Variants in AGK observed in about 807,000 individuals in gnomAD.
AGK encodes acylglycerol kinase, mitochondrial.
Under a neutral mutation model 66.4 loss-of-function variants are expected in AGK, and 52 were observed. The ratio of observed to expected loss-of-function variants is 0.78; its 90% CI spans 0.63 to 0.99. AGK has a LOEUF of 0.99. Ranked by LOEUF, AGK falls within the 50% of genes least tolerant of loss-of-function variation. The pLI, the probability that AGK is intolerant of heterozygous loss-of-function variation, is 0.00. For synonymous variants in AGK, 182 were observed against 181.1 expected, an observed-to-expected ratio of 1.00 and a Z score of -0.04; for missense variants, 451 against 506.6, an observed-to-expected ratio of 0.89 and a Z score of 1.05.
intron 15 of AGK, 72 bp downstream of exon 15, chr7:141,651,681 C>G: frequency 7.3e-7 from 1 of 1,373,290 alleles, no homozygotes; most frequent in South Asian, 1.2e-5. Flanking sequence ...TGTGGTGTCC[C>G]ATCCTTCCTC....
intron 14 of AGK, among the ~76,000 whole-genome samples, chr7:141,650,851 T>C (rs1406549878): frequency 6.6e-6 from 1 of 152,194 alleles, no homozygotes; most frequent in Non-Finnish European, 1.5e-5. Context: ...GGTATTTGCA[T>C]AGACTTAGGC....
At chr7:141,590,852 C>CA (rs780464820) in intron 2 of AGK, among the ~76,000 whole-genome samples, 3 of 151,726 alleles carry the variant, frequency 2.0e-5, no homozygotes, top group African/African-American at 7.3e-5. Flanking sequence ...GTGGGTCATT[C>CA]AAAAAAACAT....
chr7:141,553,292 GA>G (rs1443172355), intron 1 of AGK, among the ~76,000 whole-genome samples: 1 of 152,172 alleles, frequency 6.6e-6, no homozygotes, highest in Non-Finnish European at 1.5e-5. Context: ...TCTCAATGGG[GA>G]TAGGGCTTCC....
At chr7:141,614,679 G>A (rs781733802) in intron 7 of AGK, among the ~76,000 whole-genome samples, 2 of 152,124 alleles carry the variant, frequency 1.3e-5, no homozygotes, top group Admixed American at 6.5e-5. Context: ...TAATAATGTG[G>A]ATGAAAAGGA....
intron 14 of AGK, among the ~76,000 whole-genome samples, chr7:141,651,214 T>G (rs1361593932): frequency 6.6e-6 from 1 of 152,254 alleles, no homozygotes; most frequent in African/African-American, 2.4e-5. Context: ...TTTTTAAATT[T>G]GAGACTAACA....
chr7:141,614,248 T>TA (rs1283959016), intron 7 of AGK, 70 bp downstream of exon 7: 6 of 1,221,316 alleles, frequency 4.9e-6, no homozygotes, highest in African/African-American at 1.6e-5. Flanking sequence ...TTCTTTCTTT[T>TA]ACTTTTTTTT....
At chr7:141,601,112 TTC>T (rs1796331138) in intron 4 of AGK, 91 bp from the exon 5 acceptor site, 1 of 921,382 alleles carries the variant, frequency 1.1e-6, no homozygotes, top group Admixed American at 2.3e-5. Flanking sequence ...TGCATAGTCT[TTC>T]TTATTCTGCC....
At chr7:141,600,771 AG>A (rs1796323962) in intron 4 of AGK, among the ~76,000 whole-genome samples, 1 of 152,204 alleles carries the variant, frequency 6.6e-6, no homozygotes, top group Admixed American at 6.5e-5. Flanking sequence ...TGGGAGTTTC[AG>A]ACTAGCTTCT....
intron 7 of AGK, 74 bp from the exon 8 acceptor site, chr7:141,615,397 C>A: frequency 1.7e-6 from 2 of 1,180,612 alleles, no homozygotes; most frequent in Non-Finnish European, 1.3e-6. Flanking sequence ...TCATAGTGGA[C>A]ACACCTGTGC....
Position 141,651,550 on chromosome 7 carries a change from C to G in AGK, c.1072C>G (p.Leu358Val), listed in dbSNP as rs1005619739. ...AAGTCGAAAGGTGAGAAACCCCAAG[C>G]TGCACGTGGAGGGCACGGAGTGTCT... ...IGSRKVRNPK[L>V]HVEGTECLQA... is the part of the protein sequence containing the mutation. The change falls in exon 15 of 16, where the codon CTG becomes GTG. Residue 358 changes from leucine (L) to valine (V), a missense_variant. By Grantham distance (32) the Leu-to-Val change is conservative (BLOSUM62 1). Coordinates refer to ENST00000649286, the MANE Select transcript of AGK (RefSeq NM_018238.4). 2 of 1,614,112 alleles carry G rather than the reference C, an allele frequency of 1.2e-6. No individual in the cohort carries two copies. The highest frequency in any genetic ancestry group is 2.7e-5 in the African/African-American group (2 of 74,940).
Position 141,617,173 on chromosome 7 carries a change from G to T in AGK, c.518+1608G>T, listed in dbSNP as rs538618993. 4.3e-4 allele frequency among the ~76,000 whole-genome samples: 66 copies of T among 152,152 alleles called. 1 individual carries two copies. Among genetic ancestry groups the T allele is most frequent in the Non-Finnish European group, 2.5e-4 (17 of 68,030 alleles). On this transcript the variant is annotated intron_variant, in intron 8 of 15. Coordinates refer to ENST00000649286, the MANE Select transcript of AGK (RefSeq NM_018238.4). Reference sequence around the variant, plus strand: ...GAGCTTGTCTTCTCCTTGTGTCAGTGTAGATTTTTTGAATTGCTTTAGCCA... The same window carrying T: ...GAGCTTGTCTTCTCCTTGTGTCAGTTTAGATTTTTTGAATTGCTTTAGCCA...
rs1797280841 is a variant in AGK, at chr7:141,641,267, A to C, written c.746A>C (p.Gln249Pro). ...TAAAAGGAGTGGCCTCAGACTCATC[A>C]AGCCTCTATCTCATACACGGGACCT... ...STLKEWPQTH[Q>P]ASISYTGPTE... The change falls in exon 12 of 16, where the codon CAA becomes CCA. Residue 249 changes from glutamine (Q) to proline (P), a missense_variant. By Grantham distance (76) the Gln-to-Pro change is moderately conservative. Coordinates refer to ENST00000649286, the MANE Select transcript of AGK (RefSeq NM_018238.4). The C allele has an allele frequency of 6.2e-7, 1 of 1,613,358 alleles. No homozygotes were observed. Among genetic ancestry groups the C allele is most frequent in the South Asian group, 1.1e-5 (1 of 90,978 alleles).
intron 1 of AGK, among the ~76,000 whole-genome samples, chr7:141,554,442 C>T (rs1263742722): frequency 6.6e-6 from 1 of 151,698 alleles, no homozygotes; most frequent in African/African-American, 2.4e-5. Flanking sequence ...TTATATATGG[C>T]TTTTTATCCT....
At chr7:141,593,335 A>C (rs1330474451) in intron 3 of AGK, 150 bp downstream of exon 3, 4 of 744,356 alleles carry the variant, frequency 5.4e-6, no homozygotes, top group African/African-American at 3.5e-5. Flanking sequence ...CTGGGAGCCA[A>C]CTCTGAGTAG....
intron 9 of AGK, among the ~76,000 whole-genome samples, chr7:141,624,046 A>C (rs1327865462): frequency 6.6e-6 from 1 of 152,098 alleles, no homozygotes; most frequent in Middle Eastern, 3.2e-3. Flanking sequence ...TTTTAAGCCC[A>C]CTGTTGAGAC....
chr7:141,627,433 C>T (rs1302063636), intron 9 of AGK, among the ~76,000 whole-genome samples: 2 of 152,092 alleles, frequency 1.3e-5, no homozygotes, highest in African/African-American at 4.8e-5. Flanking sequence ...ATTCACGTTC[C>T]CTGATATTTG....
At position 141,615,557 on chromosome 7, in the gene AGK, C is replaced by G. The variant is rs1478974834; in HGVS notation, c.510C>G (p.Asn170Lys). 6.2e-7 allele frequency: 1 copy of G among 1,612,938 alleles called. No homozygotes were observed. The highest frequency in any genetic ancestry group is 1.3e-5 in the African/African-American group (1 of 75,010). ...LSHTLFAESG[N>K]KVQHITDATL... ...ATACCCTCTTTGCCGAAAGTGGAAA[C>G]AAAGTCCAGTAGGTTGTCAATGTGG... Residue 170 changes from asparagine to lysine, a missense_variant, in exon 8 of 16, where the codon AAC becomes AAG. Transcript: ENST00000649286.
At chr7:141,554,909 A>G (rs1795173920) in intron 1 of AGK, among the ~76,000 whole-genome samples, 3 of 152,216 alleles carry the variant, frequency 2.0e-5, no homozygotes, top group Admixed American at 6.5e-5. Context: ...GAACATTTTT[A>G]GATAGCCATG....
chr7:141,613,993 A>G (rs1796653209), intron 6 of AGK, among the ~76,000 whole-genome samples, 153 bp from the exon 7 acceptor site: 1 of 152,206 alleles, frequency 6.6e-6, no homozygotes, highest in South Asian at 2.1e-4. Flanking sequence ...CTATTGGAGA[A>G]TACTATATGT....
Sources: allele counts gnomAD v4.1 joint callset (sites outside exome capture counted in the v4.1 genomes callset), GRCh38; gene constraint gnomAD v4.1.1; transcripts MANE v1.5; gene names NCBI Gene and HGNC (gene_info 2026-07-23, HGNC 2026-07-21).